Variants in SDK2 observed in about 807,000 individuals in gnomAD.
The protein encoded by SDK2 is sidekick cell adhesion molecule 2, also known as protein sidekick-2.
Under a neutral mutation model 253.9 loss-of-function variants are expected in SDK2, and 105 were observed. The observed-to-expected ratio is 0.41, with a 90% CI of 0.35 to 0.49. The LOEUF (loss-of-function observed/expected upper bound fraction) is 0.49, where lower values mean the gene tolerates loss of function less well. Ranked by LOEUF, SDK2 falls within the 20% of genes least tolerant of loss-of-function variation. The pLI, the probability that SDK2 is intolerant of heterozygous loss-of-function variation, is 0.06. For synonymous variants in SDK2, 1,249 were observed against 1,234.9 expected (o/e 1.01, Z -0.24); for missense variants, 2,608 against 3,003.0 (o/e 0.87, Z 3.07).
intron 31 of SDK2, 68 bp from the exon 32 acceptor site, chr17:73,385,985 AC>A: frequency 8.3e-7 from 1 of 1,199,974 alleles, no homozygotes; most frequent in Non-Finnish European, 1.2e-6. Flanking sequence ...GCCCACTGAG[AC>A]CAGATTCTGC....
rs1266454803 is a variant in SDK2 at position 73,483,695 on chromosome 17, ATATATATATATATTTT to A, written c.225-11493_225-11478del. ...TATATATATATATTTATATATATAT[ATATATATATATATTTT>A]TTTTTTTTTTTAGTAGAGTTGGGGT... On this transcript the variant is annotated intron_variant, in intron 2 of 44. Transcript: ENST00000392650. Among the ~76,000 whole-genome samples, 636 of 71,072 alleles carry A rather than the reference ATATATATATATATTTT, an allele frequency of 8.9e-3. 30 individuals carry two copies. Among genetic ancestry groups the A allele is most frequent in the African/African-American group, 0.038 (594 of 15,686 alleles). The allele number at this position is 71,072 out of a possible 152,430, so 46.6% of individuals were successfully genotyped here.
At chr17:73,426,974 A>C (rs1247984590) in intron 12 of SDK2, among the ~76,000 whole-genome samples, 1 of 151,992 alleles carries the variant, frequency 6.6e-6, no homozygotes, top group Non-Finnish European at 1.5e-5. Context: ...AGTCCCAGCT[A>C]CTCGGGAGGC....
intron 42 of SDK2, 64 bp from the exon 43 acceptor site, chr17:73,350,439 C>A: frequency 6.4e-7 from 1 of 1,555,168 alleles, no homozygotes. Context: ...ATACCACTCT[C>A]CACCTGGCTG....
rs1355955551 is a variant in SDK2, at chr17:73,369,173, A to T, written c.4981-580T>A. ...CTGGAGGATTTACCATAGCGCTGGCACATCAGCACTTAGTACAGTTCCTGG... is the reference window on the plus strand; with the variant it reads ...CTGGAGGATTTACCATAGCGCTGGCTCATCAGCACTTAGTACAGTTCCTGG... On this transcript the variant is annotated intron_variant, in intron 36 of 44. Transcript: ENST00000392650. The T allele has an allele frequency of 1.1e-5, 5 of 471,054 alleles. No individual in the cohort carries two copies. In the East Asian group the frequency reaches 3.5e-4, roughly 33 times the overall value. The allele number at this position is 471,054 out of a possible 1,614,324, so 29.2% of individuals were successfully genotyped here.
At chr17:73,355,262 C>T (rs547529565) in intron 40 of SDK2, among the ~76,000 whole-genome samples, 81 of 147,038 alleles carry the variant, frequency 5.5e-4, no homozygotes, top group African/African-American at 1.9e-3. Context: ...CTGCAACCTC[C>T]GCCTCCCATT....
At chr17:73,488,081 T>C (rs2063780984) in intron 2 of SDK2, among the ~76,000 whole-genome samples, 1 of 152,150 alleles carries the variant, frequency 6.6e-6, no homozygotes, top group African/African-American at 2.4e-5. Flanking sequence ...AGTGGCGCGA[T>C]CTCGGCTCAC....
rs529182722 is a variant in SDK2 at position 73,352,070 on chromosome 17, C to T, written c.5758+403G>A. On this transcript the variant is annotated intron_variant, in intron 41 of 44. Coordinates refer to ENST00000392650, the MANE Select transcript of SDK2 (RefSeq NM_001144952.2). The surrounding 1 kb of genome is among the most constrained non-coding windows in gnomAD (Gnocchi z 4.1). ...CCCAGGCACTAGGTCAGGCCTAAGGCCCACCTGTGTCTCTGCTGCTCTGCA... is the reference window on the plus strand; with the variant it reads ...CCCAGGCACTAGGTCAGGCCTAAGGTCCACCTGTGTCTCTGCTGCTCTGCA... Among the ~76,000 whole-genome samples the T allele has an allele frequency of 1.3e-5, 2 of 152,208 alleles. No individual in the cohort carries two copies. The highest frequency in any genetic ancestry group is 3.9e-4 in the East Asian group (2 of 5,164).
intron 2 of SDK2, among the ~76,000 whole-genome samples, chr17:73,486,473 G>A (rs1478723007): frequency 6.6e-6 from 1 of 152,116 alleles, no homozygotes; most frequent in East Asian, 1.9e-4. Flanking sequence ...AGCCAAGTGT[G>A]GAGGTATGTG....
At chr17:73,540,547 AAT>A (rs566718096) in intron 1 of SDK2, among the ~76,000 whole-genome samples, 1 of 152,180 alleles carries the variant, frequency 6.6e-6, no homozygotes, top group African/African-American at 2.4e-5. Context: ...CCCATAACAT[AAT>A]ATATATATAA....
Position 73,606,932 on chromosome 17 carries a change from C to T in SDK2, c.64+37093G>A, listed in dbSNP as rs2143097216. On this transcript the variant is annotated intron_variant, in intron 1 of 44. Coordinates refer to ENST00000392650, the MANE Select transcript of SDK2 (RefSeq NM_001144952.2). ...ATGACTGAACCAGAAGGGTGGTTTT[C>T]CAGGCTTCCAAGATGGAAAAGCATT... Among the ~76,000 whole-genome samples, 3 of 152,244 alleles carry T rather than the reference C, an allele frequency of 2.0e-5. No homozygotes were observed. In the South Asian group the frequency reaches 6.2e-4, roughly 32 times the overall value.
chr17:73,460,181 G>A (rs1197300096), intron 3 of SDK2, among the ~76,000 whole-genome samples: 1 of 152,102 alleles, frequency 6.6e-6, no homozygotes, highest in African/African-American at 2.4e-5. Flanking sequence ...CTCTATACTC[G>A]CCCTTGGAAT....
At chr17:73,478,951 C>T (rs2063704464) in intron 2 of SDK2, among the ~76,000 whole-genome samples, 3 of 152,246 alleles carry the variant, frequency 2.0e-5, no homozygotes, top group South Asian at 2.1e-4. Flanking sequence ...ATACACGGAG[C>T]ACACTCATGC....
intron 1 of SDK2, among the ~76,000 whole-genome samples, chr17:73,595,291 G>C (rs1028094204): frequency 5.9e-5 from 9 of 152,168 alleles, no homozygotes; most frequent in African/African-American, 1.7e-4. Context: ...GTGTCGGAGA[G>C]ACAGAGAAAT....
intron 1 of SDK2, among the ~76,000 whole-genome samples, chr17:73,559,471 A>G (rs2045195289): frequency 1.3e-5 from 2 of 152,134 alleles, no homozygotes; most frequent in African/African-American, 4.8e-5. Flanking sequence ...GAGAATGAGA[A>G]CTCTCTGCCA....
chr17:73,504,126 T>A (rs2063911769), intron 2 of SDK2, among the ~76,000 whole-genome samples: 1 of 151,650 alleles, frequency 6.6e-6, no homozygotes, highest in African/African-American at 2.4e-5. Flanking sequence ...AAAAAAGGTG[T>A]CAGGGGATAT....
intron 12 of SDK2, among the ~76,000 whole-genome samples, chr17:73,430,154 G>T (rs961216740): frequency 1.3e-5 from 2 of 152,202 alleles, no homozygotes; most frequent in Non-Finnish European, 2.9e-5. Context: ...ACTAGCAGTG[G>T]CGTCCAGGGC....
intron 1 of SDK2, among the ~76,000 whole-genome samples, chr17:73,615,297 C>A (rs1231935096): frequency 6.6e-6 from 1 of 152,152 alleles, no homozygotes; most frequent in East Asian, 1.9e-4. Context: ...GTCAGAGGCC[C>A]CTGAATTGGC....
rs558232164 is a variant in SDK2 at position 73,541,322 on chromosome 17, G to T, written c.65-33725C>A. Among the ~76,000 whole-genome samples the T allele has an allele frequency of 2.3e-4, 35 of 152,286 alleles. No individual in the cohort carries two copies. Among genetic ancestry groups the T allele is most frequent in the African/African-American group, 8.2e-4 (34 of 41,566 alleles). ...AAAGGTGGACCAGGGCCAGAGCCAG[G>T]CTCTCCCTGCTGGTGGAGCGGATGT... On this transcript the variant is annotated intron_variant, in intron 1 of 44. Transcript: ENST00000392650. The surrounding 1 kb of genome is among the most constrained non-coding windows in gnomAD (Gnocchi z 4.3).
intron 40 of SDK2, among the ~76,000 whole-genome samples, chr17:73,353,418 T>A (rs2062556084): frequency 6.6e-6 from 1 of 152,110 alleles, no homozygotes. Context: ...AGAGCGCTAT[T>A]TTTCTTTTTT....
Sources: allele counts gnomAD v4.1 joint callset (sites outside exome capture counted in the v4.1 genomes callset), GRCh38; gene constraint gnomAD v4.1.1; non-coding constraint Gnocchi (gnomAD v3.1); transcripts MANE v1.5; gene names NCBI Gene and HGNC (gene_info 2026-07-23, HGNC 2026-07-21).